The following DTNA variants were observed in gnomAD, a reference collection of about 807,000 sequenced individuals.
The protein encoded by DTNA is dystrophin-related protein 3.
Under a neutral mutation model 100.7 loss-of-function variants are expected in DTNA, and 43 were observed. The observed-to-expected ratio is 0.43, with a 90% CI of 0.33 to 0.55. The LOEUF (loss-of-function observed/expected upper bound fraction) is 0.55, where lower values mean the gene tolerates loss of function less well. Among genes scored for constraint, DTNA ranks in the 20% least tolerant of loss-of-function variants. The pLI is 0.04. For synonymous variants in DTNA, 349 were observed against 347.9 expected, an observed-to-expected ratio of 1.00 and a Z score of -0.04; for missense variants, 798 against 953.9, an observed-to-expected ratio of 0.84 and a Z score of 2.15.
chr18:34,708,460 G>A (rs573251400), upstream of DTNA, among the ~76,000 whole-genome samples: 3 of 152,042 alleles, frequency 2.0e-5, no homozygotes, highest in African/African-American at 7.2e-5. Flanking sequence ...TGCTGTACTT[G>A]TGTTTTTCTT....
chr18:34,686,784 G>A (rs1424455273), intron 1 of DTNA, among the ~76,000 whole-genome samples: 3 of 151,606 alleles, frequency 2.0e-5, no homozygotes, highest in Non-Finnish European at 3.0e-5. Context: ...TCTGTTGGTG[G>A]TGGTGGTGGT....
At chr18:34,737,959 G>A (rs2089950672) in intron 1 of DTNA, 1 of 152,000 alleles carries the variant, frequency 6.6e-6, no homozygotes, top group Non-Finnish European at 1.5e-5. Flanking sequence ...GACAATTATG[G>A]GTATATTAGA....
At chr18:34,795,166 T>G (rs2094916729) in intron 4 of DTNA, among the ~76,000 whole-genome samples, 1 of 152,168 alleles carries the variant, frequency 6.6e-6, no homozygotes, top group Non-Finnish European at 1.5e-5. Flanking sequence ...TTTGAGATTC[T>G]CAGAAGGTTT....
intron 1 of DTNA, among the ~76,000 whole-genome samples, chr18:34,663,170 T>C (rs1404650002): frequency 6.6e-6 from 1 of 152,142 alleles, no homozygotes; most frequent in Non-Finnish European, 1.5e-5. Context: ...TTTTATTTTT[T>C]TGAGATAGGG....
intron 17 of DTNA, chr18:34,867,751 C>T (rs1487086078): frequency 1.0e-6 from 1 of 985,482 alleles, no homozygotes. Flanking sequence ...AGTTCGTAAA[C>T]AGATGGATGC....
At chr18:34,538,324 C>T (rs1474402049) in intron 1 of DTNA, among the ~76,000 whole-genome samples, 2 of 152,006 alleles carry the variant, frequency 1.3e-5, no homozygotes, top group Non-Finnish European at 2.9e-5. Context: ...TGTCCTGAGT[C>T]CCAAATTCAT....
chr18:34,761,126 T>TCACACA (rs6146260), intron 2 of DTNA, among the ~76,000 whole-genome samples: 257 of 149,304 alleles, frequency 1.7e-3, no homozygotes, highest in African/African-American at 6.1e-3. Flanking sequence ...CCTCCATCCT[T>TCACACA]CACACACACA....
At chr18:34,527,338 A>G (rs2042725012) in intron 1 of DTNA, among the ~76,000 whole-genome samples, 2 of 152,096 alleles carry the variant, frequency 1.3e-5, no homozygotes, top group Admixed American at 1.3e-4. Flanking sequence ...GTCAAGAAAT[A>G]GATTTCCTAT....
intron 1 of DTNA, among the ~76,000 whole-genome samples, chr18:34,665,796 C>T (rs1198463307): frequency 6.6e-6 from 1 of 152,140 alleles, no homozygotes; most frequent in African/African-American, 2.4e-5. Flanking sequence ...TGTATATGTG[C>T]CATATTTTCT....
chr18:34,610,918 A>G (rs1052195249), intron 1 of DTNA, among the ~76,000 whole-genome samples: 5 of 152,228 alleles, frequency 3.3e-5, no homozygotes, highest in African/African-American at 7.2e-5. Flanking sequence ...AGTGTTAATT[A>G]CATAGGGAAA....
chr18:34,721,861 G>C (rs894609877), intron 1 of DTNA, among the ~76,000 whole-genome samples: 1 of 151,966 alleles, frequency 6.6e-6, no homozygotes, highest in African/African-American at 2.4e-5. Flanking sequence ...CTTGCCTATC[G>C]GAGACATAAA....
chr18:34,834,503 CAA>C (rs1256989002), intron 11 of DTNA, among the ~76,000 whole-genome samples: 4 of 138,974 alleles, frequency 2.9e-5, no homozygotes, highest in East Asian at 4.1e-4. Flanking sequence ...AACTCCGTCT[CAA>C]AAAAAAAAAA....
chr18:34,822,394 CTA>C (rs2149469948), intron 9 of DTNA: 1 of 152,350 alleles, frequency 6.6e-6, no homozygotes, highest in Non-Finnish European at 1.5e-5. Context: ...GAGTAATTTC[CTA>C]CCAGCCCTGC....
At chr18:34,569,634 C>T (rs2047396867) in intron 1 of DTNA, among the ~76,000 whole-genome samples, 3 of 152,082 alleles carry the variant, frequency 2.0e-5, no homozygotes, top group Admixed American at 2.0e-4. Flanking sequence ...GGAATTGGCT[C>T]ATGTGACTAT....
At chr18:34,654,462 A>G (rs577147715) in intron 1 of DTNA, among the ~76,000 whole-genome samples, 1 of 152,338 alleles carries the variant, frequency 6.6e-6, no homozygotes, top group African/African-American at 2.4e-5. Flanking sequence ...TAGAGAAAAT[A>G]AGTCACAGAT....
intron 1 of DTNA, among the ~76,000 whole-genome samples, chr18:34,547,010 T>C (rs1228863521): frequency 6.6e-6 from 1 of 152,144 alleles, no homozygotes; most frequent in African/African-American, 2.4e-5. Flanking sequence ...CCCCACCCTG[T>C]TGTAATTTTC....
At chr18:34,517,319 A>C (rs576867651) in intron 1 of DTNA, among the ~76,000 whole-genome samples, 1 of 152,292 alleles carries the variant, frequency 6.6e-6, no homozygotes, top group East Asian at 1.9e-4. Flanking sequence ...GTTGCAGTAA[A>C]TAATACAGAG....
At chr18:34,510,199 T>C (rs1269335227) in intron 1 of DTNA, among the ~76,000 whole-genome samples, 1 of 151,738 alleles carries the variant, frequency 6.6e-6, no homozygotes, top group Non-Finnish European at 1.5e-5. Flanking sequence ...CTTTGACTGC[T>C]CCTGCCCATT....
intron 1 of DTNA, among the ~76,000 whole-genome samples, chr18:34,529,041 C>T (rs976448924): frequency 1.3e-5 from 2 of 152,110 alleles, no homozygotes; most frequent in Non-Finnish European, 2.9e-5. Flanking sequence ...GCCCCTATTC[C>T]TTTCATTTTG....
Sources: allele counts gnomAD v4.1 joint callset (sites outside exome capture counted in the v4.1 genomes callset), GRCh38; gene constraint gnomAD v4.1.1; transcripts MANE v1.5; gene names NCBI Gene and HGNC (gene_info 2026-07-23, HGNC 2026-07-21).